The following DNAH9 variants were observed in gnomAD, a reference collection of about 807,000 sequenced individuals.
DNAH9 encodes DNAH9 variant protein.
In DNAH9, 345 loss-of-function variants were observed where a neutral mutation model predicts 471.6. That is an observed-to-expected ratio of 0.73 (90% CI 0.67 to 0.80). The LOEUF is 0.80. DNAH9 is among the 30% of genes least tolerant of loss of function. The probability of loss-of-function intolerance (pLI) is 0.00; values close to 1 mark genes in which losing one functional copy is unlikely to be tolerated. For synonymous variants in DNAH9, 2,093 were observed against 2,123.6 expected (o/e 0.99, Z 0.40); for missense variants, 5,407 against 5,609.2 (o/e 0.96, Z 1.15).
At chr17:11,738,645 C>T (rs1597572540) in intron 28 of DNAH9, among the ~76,000 whole-genome samples, 1 of 152,114 alleles carries the variant, frequency 6.6e-6, no homozygotes, top group African/African-American at 2.4e-5. Flanking sequence ...CCTCCCAAAG[C>T]ACTGGGATTA....
intron 62 of DNAH9, among the ~76,000 whole-genome samples, chr17:11,929,212 T>A (rs988854933): frequency 1.3e-5 from 2 of 151,934 alleles, no homozygotes; most frequent in African/African-American, 4.8e-5. Context: ...TTTTTTGTAT[T>A]TTTAGTAGAG....
At chr17:11,969,184 TA>T in intron 68 of DNAH9, 115 bp from the exon 69 acceptor site, 1 of 867,720 alleles carries the variant, frequency 1.2e-6, no homozygotes, top group East Asian at 2.5e-5. Flanking sequence ...GGGGCAGGCA[TA>T]AAGGCAGCCA....
rs1477481439 is a variant in DNAH9 at position 11,756,588 on chromosome 17, T to C, written c.6759T>C (p.Asn2253=). 1.2e-6 allele frequency: 2 copies of C among 1,613,130 alleles called. No individual in the cohort carries two copies. The highest frequency in any genetic ancestry group is 2.2e-5 in the East Asian group (1 of 44,874). ...DDNKVLTLAS[N]ERIPLNPTMK... is the part of the protein sequence containing the mutation. ...TCCAGGTGCTGACATTGGCCAGCAA[T>C]GAGAGGATTCCTCTGAACCCCACCA... Residue 2253 remains asparagine, a synonymous_variant, in exon 34 of 69, where the codon AAT becomes AAC. Transcript: ENST00000262442.
At chr17:11,650,456 C>T (rs1288097355) in intron 12 of DNAH9, among the ~76,000 whole-genome samples, 1 of 152,194 alleles carries the variant, frequency 6.6e-6, no homozygotes, top group African/African-American at 2.4e-5. Context: ...AGAAGTTCAA[C>T]GCAGCCTGGA....
chr17:11,813,502 T>A (rs1346231793), intron 45 of DNAH9, among the ~76,000 whole-genome samples: 2 of 152,198 alleles, frequency 1.3e-5, no homozygotes, highest in Non-Finnish European at 2.9e-5. Flanking sequence ...ATGCAATGAC[T>A]CCACCCTTGG....
At chr17:11,804,663 A>G (rs1371827947) in intron 43 of DNAH9, among the ~76,000 whole-genome samples, 1 of 152,156 alleles carries the variant, frequency 6.6e-6, no homozygotes, top group Non-Finnish European at 1.5e-5. Flanking sequence ...TCACAAGGTC[A>G]GGAGATCGAG....
In DNAH9 at chr17:11,810,353, T is replaced by C; in HGVS notation, c.8691T>C (p.Asn2897=). 6.2e-7 allele frequency: 1 copy of C among 1,612,648 alleles called. No homozygotes were observed. The highest frequency in any genetic ancestry group is 1.1e-5 in the South Asian group (1 of 90,632). The change falls in exon 45 of 69, where the codon AAT becomes AAC. Residue 2897 remains asparagine, a synonymous_variant. Coordinates refer to ENST00000262442, the MANE Select transcript of DNAH9 (RefSeq NM_001372.4). ...VADERFLVLI[N]DLLASGEIPD... ...ATGAGAGGTTCCTTGTGCTCATCAA[T>C]GATCTTTTGGCATCTGGTAAGAGAT...
intron 57 of DNAH9, among the ~76,000 whole-genome samples, chr17:11,887,536 G>A (rs901885864): frequency 6.6e-6 from 1 of 152,120 alleles, no homozygotes; most frequent in Non-Finnish European, 1.5e-5. Flanking sequence ...TAAATTTTTA[G>A]TGCATCTCTG....
intron 22 of DNAH9, 142 bp downstream of exon 22, chr17:11,694,589 A>G: frequency 1.5e-6 from 1 of 686,888 alleles, no homozygotes; most frequent in Non-Finnish European, 2.3e-6. Flanking sequence ...CAGCATCATC[A>G]CATACCTCGG....
chr17:11,646,482 A>G lies in DNAH9; in HGVS notation c.1971-590A>G, dbSNP rs1019813928. 1.3e-5 allele frequency among the ~76,000 whole-genome samples: 2 copies of G among 152,194 alleles called. 1 individual carries two copies. Among genetic ancestry groups the G allele is most frequent in the African/African-American group, 4.8e-5 (2 of 41,450 alleles). On this transcript the variant is annotated intron_variant, in intron 11 of 68. Coordinates refer to ENST00000262442, the MANE Select transcript of DNAH9 (RefSeq NM_001372.4). ...ATGATGAACGTCCATGAGCTACGTA[A>G]AGATTAGTGTGAGAGCGAATCTTCC...
chr17:11,778,329 CAAAAAAAAAAAAAAA>C lies in DNAH9; in HGVS notation c.7553-2661_7553-2647del, dbSNP rs57983162. Reference sequence around the variant, plus strand: ...TGGGCGACAGAGTGAGACTCCATCTCAAAAAAAAAAAAAAAAAAAAAAAAAAAAAAAAAGAAAAGG... The same window carrying C: ...TGGGCGACAGAGTGAGACTCCATCTCAAAAAAAAAAAAAAAAAAGAAAAGG... On this transcript the variant is annotated intron_variant, in intron 38 of 68. Transcript: ENST00000262442. 8.4e-3 allele frequency among the ~76,000 whole-genome samples: 410 copies of C among 48,670 alleles called. 3 individuals are homozygous for C. The highest frequency in any genetic ancestry group is 0.05 in the Middle Eastern group (2 of 40). The allele number at this position is 48,670 out of a possible 152,430, so 31.9% of individuals were successfully genotyped here. A position where few individuals can be genotyped will look rare whatever the true frequency, so the allele number is the denominator to read the frequency against.
At position 11,757,554 on chromosome 17, in the gene DNAH9, A is replaced by G; in HGVS notation, c.6857A>G (p.Tyr2286Cys). ...PATVSRAGIL[Y>C]INPADLGWNP... ...TTCTCTGTGCTCACAGGGATCTTGT[A>G]CATCAACCCGGCAGACTTGGGATGG... The change falls in exon 35 of 69, where the codon TAC becomes TGC. Residue 2286 changes from tyrosine (Y) to cysteine (C), a missense_variant. Tyr to Cys is a radical substitution (Grantham distance 194). This residue lies in a region of DNAH9 where 4,636 missense variants were observed against 4,900.3 expected (regional missense o/e 0.95). Transcript: ENST00000262442. 6.2e-7 allele frequency: 1 copy of G among 1,613,284 alleles called. No homozygotes were observed. The highest frequency in any genetic ancestry group is 1.1e-5 in the South Asian group (1 of 91,058).
intron 53 of DNAH9, among the ~76,000 whole-genome samples, 196 bp downstream of exon 53, chr17:11,875,380 A>T (rs1384329355): frequency 6.6e-6 from 1 of 152,134 alleles, no homozygotes; most frequent in African/African-American, 2.4e-5. Flanking sequence ...TTTTATCCAC[A>T]TGAGAAATTA....
chr17:11,890,887 A>G (rs1444808462), intron 57 of DNAH9, among the ~76,000 whole-genome samples: 1 of 152,040 alleles, frequency 6.6e-6, no homozygotes, highest in Non-Finnish European at 1.5e-5. Flanking sequence ...CGGTCTCGCT[A>G]TCTTGCCCAG....
At chr17:11,896,829 G>A (rs185778964) in intron 59 of DNAH9, among the ~76,000 whole-genome samples, 92 of 152,302 alleles carry the variant, frequency 6.0e-4, no homozygotes, top group African/African-American at 2.1e-3. Flanking sequence ...GGTGGCTCAC[G>A]TCTGTAATTC....
intron 43 of DNAH9, among the ~76,000 whole-genome samples, chr17:11,798,918 C>T (rs1362762857): frequency 6.6e-6 from 1 of 152,124 alleles, no homozygotes; most frequent in Non-Finnish European, 1.5e-5. Context: ...CCCTTCAAAA[C>T]CCCAGTTCTT....
At chr17:11,969,017 AAAAC>A (rs1227303653) in intron 68 of DNAH9, among the ~76,000 whole-genome samples, 5 of 152,260 alleles carry the variant, frequency 3.3e-5, no homozygotes, top group Non-Finnish European at 7.3e-5. Flanking sequence ...AATTAATGAA[AAAAC>A]AAACTAGGAG....
chr17:11,868,292 C>T (rs1972133289), intron 50 of DNAH9, among the ~76,000 whole-genome samples: 1 of 152,138 alleles, frequency 6.6e-6, no homozygotes, highest in Non-Finnish European at 1.5e-5. Flanking sequence ...CTTGGCCCTA[C>T]ATTGATTTCT....
intron 26 of DNAH9, among the ~76,000 whole-genome samples, chr17:11,715,303 C>T (rs1242546645): frequency 2.6e-5 from 4 of 152,166 alleles, no homozygotes; most frequent in African/African-American, 9.7e-5. Flanking sequence ...CTCATAGTAT[C>T]CTCATAAGAC....
Sources: gnomAD v4.1 joint callset for allele counts (sites outside exome capture counted in the v4.1 genomes callset) on GRCh38, gnomAD v4.1.1 for gene constraint, gnomAD v4.1.1 regional missense constraint, MANE v1.5 for transcripts, NCBI Gene and HGNC (gene_info 2026-07-23, HGNC 2026-07-21) for gene names.